Variants in TF observed in about 807,000 individuals in gnomAD.
The protein encoded by TF is serotransferrin.
A neutral mutation model predicts 82.4 loss-of-function variants in TF; 55 were observed. The ratio of observed to expected loss-of-function variants is 0.67; its 90% CI spans 0.54 to 0.84. The LOEUF (loss-of-function observed/expected upper bound fraction) is 0.84, where lower values mean the gene tolerates loss of function less well. Ranked by LOEUF, TF falls within the 40% of genes least tolerant of loss-of-function variation. The pLI is 0.00. For synonymous variants in TF, 332 were observed against 332.6 expected (o/e 1.00, Z 0.02); for missense variants, 737 against 868.4 (o/e 0.85, Z 1.90).
At chr3:133,751,368 G>A (rs1933661171) in intron 2 of TF, among the ~76,000 whole-genome samples, 1 of 151,678 alleles carries the variant, frequency 6.6e-6, no homozygotes, top group East Asian at 2.0e-4. Flanking sequence ...GTGTAGCTGG[G>A]ACTACAGGCG....
the TF span, among the ~76,000 whole-genome samples, chr3:133,724,177 A>G: frequency 1.1e-4 from 16 of 152,266 alleles, no homozygotes; most frequent in Non-Finnish European, 1.5e-4. Flanking sequence ...ACCCAGTAAC[A>G]GGATGGCTGG....
the TF span, among the ~76,000 whole-genome samples, chr3:133,715,050 T>G: frequency 6.6e-6 from 1 of 152,198 alleles, no homozygotes; most frequent in Non-Finnish European, 1.5e-5. Flanking sequence ...TCCCGCACCT[T>G]TCCCCGTGGT....
In TF at chr3:133,759,296, A is replaced by G; in HGVS notation, c.1170A>G (p.Ala390=). Residue 390 remains alanine, a synonymous_variant, in exon 9 of 17, where the codon GCA becomes GCG. Transcript: ENST00000402696. ...NSVGKIECVS[A]ETTEDCIAKI... The stretch of plus-strand genomic sequence containing the variant: ...TAGGGAAAATAGAGTGTGTATCAGC[A>G]GAGACCACCGAAGACTGCATCGCCA... 6.2e-7 allele frequency: 1 copy of G among 1,613,314 alleles called. No homozygotes were observed.
chr3:133,729,419 G>A, the TF span, among the ~76,000 whole-genome samples: 1 of 152,236 alleles, frequency 6.6e-6, no homozygotes, highest in African/African-American at 2.4e-5. Context: ...AGACTGCTGT[G>A]CTAGCAATCA....
At chr3:133,747,513 C>T (rs1333392995) in intron 1 of TF, among the ~76,000 whole-genome samples, 1 of 152,240 alleles carries the variant, frequency 6.6e-6, no homozygotes, top group Non-Finnish European at 1.5e-5. Flanking sequence ...AGTGAGTCAG[C>T]CTTGCTGTGG....
the TF span, among the ~76,000 whole-genome samples, chr3:133,692,570 A>G: frequency 6.6e-6 from 1 of 152,108 alleles, no homozygotes; most frequent in Non-Finnish European, 1.5e-5. Context: ...GGACTAGCAG[A>G]AAAAAGAACT....
intron 1 of TF, among the ~76,000 whole-genome samples, chr3:133,747,626 C>T (rs969695114): frequency 1.7e-4 from 26 of 152,322 alleles, no homozygotes; most frequent in African/African-American, 6.3e-4. Context: ...AATAGTTACC[C>T]ATGGCTGGCT....
At chr3:133,666,243 G>A in the TF span, among the ~76,000 whole-genome samples, 1 of 152,118 alleles carries the variant, frequency 6.6e-6, no homozygotes, top group South Asian at 2.1e-4. Context: ...CATGATCTCG[G>A]CTCACTGCAA....
chr3:133,767,928 A>G, intron 12 of TF, 101 bp from the exon 13 acceptor site: 2 of 1,440,646 alleles, frequency 1.4e-6, no homozygotes, highest in Non-Finnish European at 9.7e-7. Flanking sequence ...ATTAATGAAT[A>G]TGTTCTACTT....
the TF span, among the ~76,000 whole-genome samples, chr3:133,674,427 G>A: frequency 5.9e-5 from 9 of 152,276 alleles, 1 homozygote; most frequent in East Asian, 3.9e-4. Flanking sequence ...GCAGCCCTCC[G>A]GTCCCACGGA....
intron 7 of TF, 23 bp from the exon 8 acceptor site, chr3:133,757,746 C>A: frequency 6.2e-7 from 1 of 1,607,334 alleles, no homozygotes; most frequent in South Asian, 1.1e-5. Flanking sequence ...TTGCCATCCA[C>A]TATTCTGTTT....
chr3:133,779,917 CATAA>C lies in TF; in HGVS notation c.*1301_*1304del, dbSNP rs1387914781. 2.0e-5 allele frequency: 3 copies of C among 152,184 alleles called. No homozygotes were observed. Among genetic ancestry groups the C allele is most frequent in the African/African-American group, 7.2e-5 (3 of 41,444 alleles). 9.4% of individuals were successfully genotyped at this position (152,184 alleles called of 1,614,324 possible). On this transcript the variant is annotated 3_prime_UTR_variant, in exon 17 of 17. Coordinates refer to ENST00000402696, the MANE Select transcript of TF (RefSeq NM_001063.4). ...TGGTCATCTACCCAATCACATAAGC[CATAA>C]ATAGAGGGGTGAAATTTCAGTTCGC... is the stretch of plus-strand genomic sequence containing the variant.
chr3:133,722,544 C>G, the TF span, among the ~76,000 whole-genome samples: 1 of 151,916 alleles, frequency 6.6e-6, no homozygotes, highest in Non-Finnish European at 1.5e-5. Flanking sequence ...TGTGGTTTCT[C>G]TTTCTTATTT....
chr3:133,772,360 C>T (rs1205886490), intron 14 of TF, among the ~76,000 whole-genome samples: 1 of 152,118 alleles, frequency 6.6e-6, no homozygotes, highest in Non-Finnish European at 1.5e-5. Context: ...AGCTTTGACT[C>T]TCTTACTCTT....
At chr3:133,704,617 A>G in the TF span, among the ~76,000 whole-genome samples, 1 of 152,170 alleles carries the variant, frequency 6.6e-6, no homozygotes, top group African/African-American at 2.4e-5. Context: ...GTTGCCCACT[A>G]GTTCAGGAAA....
chr3:133,690,658 C>T, the TF span, among the ~76,000 whole-genome samples: 1 of 152,092 alleles, frequency 6.6e-6, no homozygotes, highest in Admixed American at 6.5e-5. Flanking sequence ...GGAGTTTGAC[C>T]TTATACAGTT....
At chr3:133,722,702 C>T in the TF span, among the ~76,000 whole-genome samples, 50 of 152,194 alleles carry the variant, frequency 3.3e-4, no homozygotes, top group Admixed American at 1.6e-3. Context: ...ATTTTTGTTG[C>T]CCTAATTTAC....
the TF span, among the ~76,000 whole-genome samples, chr3:133,714,040 T>C: frequency 6.6e-6 from 1 of 151,908 alleles, no homozygotes; most frequent in African/African-American, 2.4e-5. Context: ...TCAGAAAAGG[T>C]GGTCAGGGCA....
At chr3:133,732,388 T>C in the TF span, among the ~76,000 whole-genome samples, 1 of 152,078 alleles carries the variant, frequency 6.6e-6, no homozygotes, top group Non-Finnish European at 1.5e-5. Flanking sequence ...CAGCACTCTG[T>C]AAAACGGACC....
Sources: gnomAD v4.1 joint callset for allele counts (sites outside exome capture counted in the v4.1 genomes callset) on GRCh38, gnomAD v4.1.1 for gene constraint, MANE v1.5 for transcripts, NCBI Gene and HGNC (gene_info 2026-07-23, HGNC 2026-07-21) for gene names.